MTA3: variants seen among roughly 807,000 people sequenced by gnomAD.
The protein encoded by MTA3 is metastasis-associated protein MTA3.
Under a neutral mutation model 83.5 loss-of-function variants are expected in MTA3, and 34 were observed. The observed-to-expected ratio is 0.41, with a 90% CI of 0.31 to 0.54. The LOEUF (loss-of-function observed/expected upper bound fraction) is 0.54, where lower values mean the gene tolerates loss of function less well. MTA3 is among the 20% of genes least tolerant of loss of function. MTA3 has a pLI of 0.33. For missense variants in MTA3, 761 were observed against 726.4 expected (o/e 1.05, Z -0.55); for synonymous variants, 303 against 252.7 (o/e 1.20, Z -1.89).
intron 9 of MTA3, among the ~76,000 whole-genome samples, chr2:42,688,924 T>C (rs1249150685): frequency 6.6e-6 from 1 of 151,838 alleles, no homozygotes; most frequent in Non-Finnish European, 1.5e-5. Flanking sequence ...GGGAAATTCA[T>C]TCATTTTTTT....
intron 4 of MTA3, among the ~76,000 whole-genome samples, chr2:42,623,459 C>G (rs960542657): frequency 1.3e-5 from 2 of 152,152 alleles, no homozygotes; most frequent in African/African-American, 4.8e-5. Context: ...GTCTTTGGGT[C>G]TTTTCTTCAG....
intron 8 of MTA3, among the ~76,000 whole-genome samples, chr2:42,677,070 CTAACA>C (rs1691429715): frequency 1.3e-5 from 2 of 152,010 alleles, no homozygotes; most frequent in Admixed American, 6.5e-5. Context: ...TACACTATAC[CTAACA>C]TAAGGTTTAA....
In MTA3 at chr2:42,704,257, T is replaced by A; in HGVS notation, c.1089T>A (p.Ala363=). 1 of 1,614,010 alleles carries A rather than the reference T, an allele frequency of 6.2e-7. No individual in the cohort carries two copies. The change falls in exon 12 of 17, where the codon GCT becomes GCA. Residue 363 remains alanine, a synonymous_variant. Coordinates refer to ENST00000405094, the MANE Select transcript of MTA3 (RefSeq NM_001330442.2). ...GGAAGCCTGGTGCTGTGAATGGAGC[T>A]GTGGGGACCACGTTCCAGCCTCAGA... ...SNGKPGAVNG[A]VGTTFQPQNP...
rs1194408093 is a variant in MTA3, at chr2:42,651,797, C to A, written c.500-4403C>A. On this transcript the variant is annotated intron_variant, in intron 6 of 16. Transcript: ENST00000405094. ...CCTGGGTGACAGAGCGAGACCTTGT[C>A]TCAAAAAAAAAAAAGAGGCTGGGCA... Among the ~76,000 whole-genome samples the A allele has an allele frequency of 7.1e-5, 10 of 140,546 alleles. No homozygotes were observed. In the Admixed American group the frequency reaches 7.3e-4, roughly 10 times the overall value. The allele number at this position is 140,546 out of a possible 152,430, so 92.2% of individuals were successfully genotyped here. A position where few individuals can be genotyped will look rare whatever the true frequency, so the allele number is the denominator to read the frequency against.
intron 9 of MTA3, among the ~76,000 whole-genome samples, chr2:42,691,017 C>A (rs964054231): frequency 6.6e-6 from 1 of 152,194 alleles, no homozygotes; most frequent in South Asian, 2.1e-4. Flanking sequence ...GCTGGGACTA[C>A]AGGTACACAC....
intron 4 of MTA3, among the ~76,000 whole-genome samples, 155 bp from the exon 5 acceptor site, chr2:42,640,018 A>T (rs746710496): frequency 1.6e-4 from 25 of 152,186 alleles, no homozygotes; most frequent in Admixed American, 6.5e-4. Context: ...TGACATTAGG[A>T]TTGTAAAGTG....
intron 9 of MTA3, among the ~76,000 whole-genome samples, chr2:42,694,113 C>G (rs1693159040): frequency 6.6e-6 from 1 of 152,226 alleles, no homozygotes; most frequent in Non-Finnish European, 1.5e-5. Flanking sequence ...CCTACTGTGG[C>G]TGAGCAGGTA....
intron 16 of MTA3, among the ~76,000 whole-genome samples, chr2:42,741,677 A>AT (rs527553515): frequency 7.3e-5 from 11 of 150,366 alleles, no homozygotes; most frequent in Admixed American, 1.3e-4. Context: ...TTTTTTATTA[A>AT]TTTTTTTTTT....
intron 16 of MTA3, chr2:42,752,411 A>T (rs1189601793): frequency 2.7e-6 from 1 of 373,162 alleles, no homozygotes; most frequent in Non-Finnish European, 5.4e-6. Flanking sequence ...CTTCCCTCCT[A>T]GCCACTTTCC....
intron 2 of MTA3, among the ~76,000 whole-genome samples, chr2:42,555,604 C>G (rs912731220): frequency 7.6e-6 from 1 of 131,244 alleles, no homozygotes; most frequent in Non-Finnish European, 1.6e-5. Flanking sequence ...ACTAAAAATA[C>G]AAAAAAAAAA....
chr2:42,642,830 A>T (rs551086029), intron 5 of MTA3, among the ~76,000 whole-genome samples: 2 of 152,142 alleles, frequency 1.3e-5, no homozygotes, highest in African/African-American at 2.4e-5. Context: ...TTTTTAGTAG[A>T]GACGGGATTT....
chr2:42,701,132 A>T (rs906141782), intron 11 of MTA3, among the ~76,000 whole-genome samples: 2 of 151,704 alleles, frequency 1.3e-5, no homozygotes, highest in African/African-American at 2.4e-5. Context: ...TAAATAATAC[A>T]TTTTTATAAT....
At chr2:42,527,262 C>G (rs1675760383) in intron 2 of MTA3, among the ~76,000 whole-genome samples, 1 of 152,078 alleles carries the variant, frequency 6.6e-6, no homozygotes, top group Non-Finnish European at 1.5e-5. Flanking sequence ...GACCAATCAA[C>G]ACTCAGCTGC....
chr2:42,606,062 T>TG (rs1243611489), intron 3 of MTA3, among the ~76,000 whole-genome samples: 3 of 102,614 alleles, frequency 2.9e-5, no homozygotes, highest in Non-Finnish European at 6.1e-5. Context: ...GCTGGCCGGG[T>TG]GGGGGGGCTG....
chr2:42,714,034 C>T (rs1443478978), intron 14 of MTA3, among the ~76,000 whole-genome samples: 1 of 152,196 alleles, frequency 6.6e-6, no homozygotes, highest in Non-Finnish European at 1.5e-5. Flanking sequence ...CCACTCACAA[C>T]ATCTAGACAA....
chr2:42,500,292 G>C (rs77091436), intron 2 of MTA3, among the ~76,000 whole-genome samples: 31,694 of 151,994 alleles, frequency 0.21, 3,392 homozygotes, highest in South Asian at 0.29. Context: ...CCAGCTACTC[G>C]GGAGGCTAAG....
intron 2 of MTA3, among the ~76,000 whole-genome samples, chr2:42,515,714 G>A (rs917209992): frequency 2.0e-5 from 3 of 151,600 alleles, no homozygotes; most frequent in African/African-American, 7.3e-5. Flanking sequence ...TGTTGGTCAG[G>A]CTGGTCTCGA....
At chr2:42,527,171 A>C (rs1675754123) in intron 2 of MTA3, among the ~76,000 whole-genome samples, 1 of 151,758 alleles carries the variant, frequency 6.6e-6, no homozygotes, top group African/African-American at 2.4e-5. Flanking sequence ...TTTGGAGCTC[A>C]CCTGAACCAA....
intron 3 of MTA3, among the ~76,000 whole-genome samples, chr2:42,580,813 G>A (rs1277030600): frequency 6.6e-6 from 1 of 152,036 alleles, no homozygotes; most frequent in East Asian, 1.9e-4. Context: ...CCAGGCTGGT[G>A]TTGAACTCCT....
Sources: allele counts gnomAD v4.1 joint callset (sites outside exome capture counted in the v4.1 genomes callset), GRCh38; gene constraint gnomAD v4.1.1; transcripts MANE v1.5; gene names NCBI Gene and HGNC (gene_info 2026-07-23, HGNC 2026-07-21).